ARL4A: variants seen among roughly 807,000 people sequenced by gnomAD.
ARL4A encodes ARF like GTPase 4A, also known as ADP-ribosylation factor-like protein 4A.
A neutral mutation model predicts 13.9 loss-of-function variants in ARL4A; 5 were observed. That is an observed-to-expected ratio of 0.36 (90% CI 0.19 to 0.75). ARL4A has a LOEUF of 0.75. Ranked by LOEUF, ARL4A falls within the 30% of genes least tolerant of loss-of-function variation. The pLI, the probability that ARL4A is intolerant of heterozygous loss-of-function variation, is 0.53. For synonymous variants in ARL4A, 77 were observed against 84.4 expected, an observed-to-expected ratio of 0.91 and a Z score of 0.48; for missense variants, 147 against 225.8, an observed-to-expected ratio of 0.65 and a Z score of 2.24.
chr7:12,688,082 T>G lies in ARL4A; in HGVS notation c.-89-84T>G. Reference sequence around the variant, plus strand: ...GCAGCAAGTTATAGTAAGTTCTTCGTGTTGTTTATTTTAGCAAAGTAGAGC... The same window carrying G: ...GCAGCAAGTTATAGTAAGTTCTTCGGGTTGTTTATTTTAGCAAAGTAGAGC... On this transcript the variant is annotated intron_variant, in intron 1 of 1. Coordinates refer to ENST00000651779, the MANE Select transcript of ARL4A (RefSeq NM_005738.5). The surrounding 1 kb of genome is among the most constrained non-coding windows in gnomAD (Gnocchi z 5.2). 1.1e-6 allele frequency: 1 copy of G among 906,724 alleles called. No homozygotes were observed. The allele number at this position is 906,724 out of a possible 1,614,324, so 56.2% of individuals were successfully genotyped here.
rs1784552890 is a variant in ARL4A, at chr7:12,688,008, A to G, written c.-89-158A>G. 2.6e-5 allele frequency among the ~76,000 whole-genome samples: 4 copies of G among 152,164 alleles called. No individual in the cohort carries two copies. The South Asian group carries it at 8.3e-4, about 32-fold the overall frequency. The stretch of plus-strand genomic sequence containing the variant: ...ACTGTTATTCCATCGTTTGTCTTGG[A>G]CTGTGTGTGTTTTCATGTACGTTTC... On this transcript the variant is annotated intron_variant, in intron 1 of 1. Transcript: ENST00000651779. The surrounding 1 kb of genome is among the most constrained non-coding windows in gnomAD (Gnocchi z 5.2).
chr7:12,688,330 C>T lies in ARL4A; in HGVS notation c.76C>T (p.Leu26=), dbSNP rs1784560020. ...ATTTCAGTCTTTCCACATTGTTATT[C>T]TGGGTTTGGACTGTGCTGGAAAGAC... ...PSFQSFHIVI[L]GLDCAGKTTV... is the part of the protein sequence containing the mutation. Residue 26 remains leucine (L), a synonymous_variant, in exon 2 of 2, where the codon CTG becomes TTG. Transcript: ENST00000651779. The surrounding 1 kb of genome is among the most constrained non-coding windows in gnomAD (Gnocchi z 5.2). 2 of 1,613,612 alleles carry T rather than the reference C, an allele frequency of 1.2e-6. No homozygotes were observed. The highest frequency in any genetic ancestry group is 1.7e-6 in the Non-Finnish European group (2 of 1,179,740).
chr7:12,689,609 C>G lies in ARL4A; in HGVS notation c.*752C>G, dbSNP rs1331559612. The G allele has an allele frequency of 6.0e-6, 1 of 165,976 alleles. No individual in the cohort carries two copies. Among genetic ancestry groups the G allele is most frequent in the African/African-American group, 2.4e-5 (1 of 41,426 alleles). The allele number at this position is 165,976 out of a possible 1,614,324, so 10.3% of individuals were successfully genotyped here. A position where few individuals can be genotyped will look rare whatever the true frequency, so the allele number is the denominator to read the frequency against. ...AAACAACTTTTTTGGGGATTTAGGG[C>G]TATTATAGGAATAGTTTGTTGTCAG... On this transcript the variant is annotated 3_prime_UTR_variant, in exon 2 of 2. Coordinates refer to ENST00000651779, the MANE Select transcript of ARL4A (RefSeq NM_005738.5).
rs73053484 is a variant in ARL4A, at chr7:12,689,237, C to G, written c.*380C>G. 11,984 of 205,272 alleles carry G rather than the reference C, an allele frequency of 0.058. 489 individuals are homozygous for G. Among genetic ancestry groups the G allele is most frequent in the South Asian group, 0.12 (1,131 of 9,052 alleles). The allele number at this position is 205,272 out of a possible 1,614,324, so 12.7% of individuals were successfully genotyped here. A position where few individuals can be genotyped will look rare whatever the true frequency, so the allele number is the denominator to read the frequency against. ...GAAGCCTTTGCAAGAAAATTGCATA[C>G]AAGGCTTTGTAACGATCAAGTGCTA... On this transcript the variant is annotated 3_prime_UTR_variant, in exon 2 of 2. Transcript: ENST00000651779.
Position 12,690,625 on chromosome 7 carries a change from G to GTTTT in ARL4A, c.*1778_*1781dup, listed in dbSNP as rs35820745. On this transcript the variant is annotated 3_prime_UTR_variant, in exon 2 of 2. Transcript: ENST00000651779. ...TTAGATGTGACAGGCATTGAAGGCT[G>GTTTT]TTTTTTTTTTTTTCTCCCTTCACTG... is the stretch of plus-strand genomic sequence containing the variant. 5 of 148,558 alleles carry GTTTT rather than the reference G, an allele frequency of 3.4e-5. No individual in the cohort carries two copies. Among genetic ancestry groups the GTTTT allele is most frequent in the Non-Finnish European group, 3.0e-5 (2 of 66,022 alleles). The allele number at this position is 148,558 out of a possible 1,614,324, so 9.2% of individuals were successfully genotyped here. A position where few individuals can be genotyped will look rare whatever the true frequency, so the allele number is the denominator to read the frequency against.
Position 12,688,927 on chromosome 7 carries a change from C to G in ARL4A, c.*70C>G. On this transcript the variant is annotated 3_prime_UTR_variant, in exon 2 of 2. Coordinates refer to ENST00000651779, the MANE Select transcript of ARL4A (RefSeq NM_005738.5). The surrounding 1 kb of genome is among the most constrained non-coding windows in gnomAD (Gnocchi z 5.2). ...CTGATTTTGACAAATAGAAGAGTGT[C>G]TACAGCGTGGTTTGCCTGTCTGCCC... 7 of 1,461,660 alleles carry G rather than the reference C, an allele frequency of 4.8e-6. No individual in the cohort carries two copies. Among genetic ancestry groups the G allele is most frequent in the South Asian group, 1.4e-5 (1 of 72,524 alleles). 90.5% of individuals were successfully genotyped at this position (1,461,660 alleles called of 1,614,324 possible). A position where few individuals can be genotyped will look rare whatever the true frequency, so the allele number is the denominator to read the frequency against.
At position 12,690,122 on chromosome 7, in the gene ARL4A, G is replaced by A. The variant is rs941289042; in HGVS notation, c.*1265G>A. On this transcript the variant is annotated 3_prime_UTR_variant, in exon 2 of 2. Transcript: ENST00000651779. ...GGTGCTGTTTACATTGGAATAAAAA[G>A]CTCTATAAGGAGGAAAGGCCTTTAT... 2 of 166,928 alleles carry A rather than the reference G, an allele frequency of 1.2e-5. No individual in the cohort carries two copies. Among genetic ancestry groups the A allele is most frequent in the Admixed American group, 1.3e-4 (2 of 15,266 alleles). 10.3% of individuals were successfully genotyped at this position (166,928 alleles called of 1,614,324 possible).
Position 12,690,112 on chromosome 7 carries a change from G to A in ARL4A, c.*1255G>A, listed in dbSNP as rs1037449420. ...AAAATTCACTGGTGCTGTTTACATT[G>A]GAATAAAAAGCTCTATAAGGAGGAA... On this transcript the variant is annotated 3_prime_UTR_variant, in exon 2 of 2. Coordinates refer to ENST00000651779, the MANE Select transcript of ARL4A (RefSeq NM_005738.5). 1.8e-5 allele frequency: 3 copies of A among 166,838 alleles called. No homozygotes were observed. The highest frequency in any genetic ancestry group is 7.2e-5 in the African/African-American group (3 of 41,384). 10.3% of individuals were successfully genotyped at this position (166,838 alleles called of 1,614,324 possible).
At position 12,689,205 on chromosome 7, in the gene ARL4A, T is replaced by C. The variant is rs1784577698; in HGVS notation, c.*348T>C. On this transcript the variant is annotated 3_prime_UTR_variant, in exon 2 of 2. Coordinates refer to ENST00000651779, the MANE Select transcript of ARL4A (RefSeq NM_005738.5). Reference sequence around the variant, plus strand: ...GCCTAGTGTTTTGTGCTTACATCTTTCGGGGGGAAGCCTTTGCAAGAAAAT... The same window carrying C: ...GCCTAGTGTTTTGTGCTTACATCTTCCGGGGGGAAGCCTTTGCAAGAAAAT... 4.6e-6 allele frequency: 1 copy of C among 215,354 alleles called. No individual in the cohort carries two copies. The highest frequency in any genetic ancestry group is 5.3e-5 in the Admixed American group (1 of 18,936). The allele number at this position is 215,354 out of a possible 1,614,324, so 13.3% of individuals were successfully genotyped here.
chr7:12,688,421 C>A lies in ARL4A; in HGVS notation c.167C>A (p.Thr56Asn). ...VNTVPTKGFN[T>N]EKIKVTLGNS... ...ACCGTACCTACCAAAGGATTTAACA[C>A]TGAGAAAATTAAGGTAACCTTGGGA... Residue 56 changes from threonine to asparagine, a missense_variant, in exon 2 of 2, where the codon ACT becomes AAT. Coordinates refer to ENST00000651779, the MANE Select transcript of ARL4A (RefSeq NM_005738.5). The surrounding 1 kb of genome is among the most constrained non-coding windows in gnomAD (Gnocchi z 5.2). 6.2e-7 allele frequency: 1 copy of A among 1,613,774 alleles called. No individual in the cohort carries two copies. The highest frequency in any genetic ancestry group is 1.1e-5 in the South Asian group (1 of 91,044).
Position 12,688,371 on chromosome 7 carries a change from G to A in ARL4A, c.117G>A (p.Arg39=), listed in dbSNP as rs149263257. 6.2e-7 allele frequency: 1 copy of A among 1,613,926 alleles called. No individual in the cohort carries two copies. The highest frequency in any genetic ancestry group is 8.5e-7 in the Non-Finnish European group (1 of 1,179,870). Residue 39 remains arginine, a synonymous_variant, in exon 2 of 2, where the codon AGG becomes AGA. Transcript: ENST00000651779. The surrounding 1 kb of genome is among the most constrained non-coding windows in gnomAD (Gnocchi z 5.2). The part of the protein sequence containing the change: ...DCAGKTTVLY[R]LQFNEFVNTV... Reference sequence around the variant, plus strand: ...CTGGAAAGACAACTGTCTTATACAGGCTGCAGTTCAATGAATTTGTAAATA... The same window carrying A: ...CTGGAAAGACAACTGTCTTATACAGACTGCAGTTCAATGAATTTGTAAATA...
chr7:12,688,370 G>A lies in ARL4A; in HGVS notation c.116G>A (p.Arg39Lys), dbSNP rs1322809190. The A allele has an allele frequency of 6.2e-7, 1 of 1,613,920 alleles. No homozygotes were observed. Among genetic ancestry groups the A allele is most frequent in the East Asian group, 2.2e-5 (1 of 44,876 alleles). Residue 39 changes from arginine (R) to lysine (K), a missense_variant, in exon 2 of 2, where the codon AGG becomes AAG. Physicochemically the swap from Arg to Lys is conservative, Grantham distance 26 (BLOSUM62 2). Coordinates refer to ENST00000651779, the MANE Select transcript of ARL4A (RefSeq NM_005738.5). This position sits in a 1 kb window ranked among gnomAD's most constrained non-coding sequence, Gnocchi z 5.2. ...DCAGKTTVLY[R>K]LQFNEFVNTV... ...GCTGGAAAGACAACTGTCTTATACA[G>A]GCTGCAGTTCAATGAATTTGTAAAT...
At position 12,688,296 on chromosome 7, in the gene ARL4A, C is replaced by G. The variant is rs967813264; in HGVS notation, c.42C>G (p.Asn14Lys). Residue 14 changes from asparagine (N) to lysine (K), a missense_variant, in exon 2 of 2, where the codon AAC (asparagine) becomes AAG (lysine). By Grantham distance (94) the Asn-to-Lys change is moderately conservative. Transcript: ENST00000651779. The surrounding 1 kb of genome is among the most constrained non-coding windows in gnomAD (Gnocchi z 5.2). ...GLSDQTSILS[N>K]LPSFQSFHIV... Reference sequence around the variant, plus strand: ...CAGACCAGACTTCTATCCTGTCCAACCTGCCTTCATTTCAGTCTTTCCACA... The same window carrying G: ...CAGACCAGACTTCTATCCTGTCCAAGCTGCCTTCATTTCAGTCTTTCCACA... 1 of 1,612,118 alleles carries G rather than the reference C, an allele frequency of 6.2e-7. No individual in the cohort carries two copies. The highest frequency in any genetic ancestry group is 1.7e-5 in the Admixed American group (1 of 59,856).
chr7:12,688,153 T>C lies in ARL4A; in HGVS notation c.-89-13T>C. 6.8e-7 allele frequency: 1 copy of C among 1,463,410 alleles called. No individual in the cohort carries two copies. The highest frequency in any genetic ancestry group is 9.2e-7 in the Non-Finnish European group (1 of 1,092,452). 90.7% of individuals were successfully genotyped at this position (1,463,410 alleles called of 1,614,324 possible). A position where few individuals can be genotyped will look rare whatever the true frequency, so the allele number is the denominator to read the frequency against. On this transcript the variant is annotated splice_polypyrimidine_tract_variant and intron_variant, in intron 1 of 1. Transcript: ENST00000651779. The surrounding 1 kb of genome is among the most constrained non-coding windows in gnomAD (Gnocchi z 5.2). The stretch of plus-strand genomic sequence containing the variant: ...TTTCGGGAGAATAACTTATTCCTTC[T>C]TCCGTCTCCCAGCAGTCTTATAGCT...
In ARL4A at chr7:12,688,024, T is replaced by C. The variant is rs192638365; in HGVS notation, c.-89-142T>C. 13 of 497,750 alleles carry C rather than the reference T, an allele frequency of 2.6e-5. No homozygotes were observed. Among genetic ancestry groups the C allele is most frequent in the Admixed American group, 3.8e-5 (1 of 26,634 alleles). 30.8% of individuals were successfully genotyped at this position (497,750 alleles called of 1,614,324 possible). A position where few individuals can be genotyped will look rare whatever the true frequency, so the allele number is the denominator to read the frequency against. On this transcript the variant is annotated intron_variant, in intron 1 of 1. Transcript: ENST00000651779. This position sits in a 1 kb window ranked among gnomAD's most constrained non-coding sequence, Gnocchi z 5.2. Reference sequence around the variant, plus strand: ...TTGTCTTGGACTGTGTGTGTTTTCATGTACGTTTCATATCTCGTCTGGTTT... The same window carrying C: ...TTGTCTTGGACTGTGTGTGTTTTCACGTACGTTTCATATCTCGTCTGGTTT...
In ARL4A at chr7:12,689,077, G is replaced by C. The variant is rs1160456710; in HGVS notation, c.*220G>C. On this transcript the variant is annotated 3_prime_UTR_variant, in exon 2 of 2. Coordinates refer to ENST00000651779, the MANE Select transcript of ARL4A (RefSeq NM_005738.5). Reference sequence around the variant, plus strand: ...CTTCTCCCTACCCCACAAATCTTTTGGTACTACCATTTGGGGAAGCCAAGC... The same window carrying C: ...CTTCTCCCTACCCCACAAATCTTTTCGTACTACCATTTGGGGAAGCCAAGC... 6.4e-6 allele frequency: 3 copies of C among 472,266 alleles called. No homozygotes were observed. Among genetic ancestry groups the C allele is most frequent in the Non-Finnish European group, 7.7e-6 (2 of 258,098 alleles). 29.3% of individuals were successfully genotyped at this position (472,266 alleles called of 1,614,324 possible). A position where few individuals can be genotyped will look rare whatever the true frequency, so the allele number is the denominator to read the frequency against.
At position 12,690,383 on chromosome 7, in the gene ARL4A, G is replaced by C. The variant is rs533189861; in HGVS notation, c.*1526G>C. ...AAAATGAATGAAGTAGCTTGATGTGGAGCCTTCATATGTTAAATATTCCTG... is the reference window on the plus strand; with the variant it reads ...AAAATGAATGAAGTAGCTTGATGTGCAGCCTTCATATGTTAAATATTCCTG... On this transcript the variant is annotated 3_prime_UTR_variant, in exon 2 of 2. Coordinates refer to ENST00000651779, the MANE Select transcript of ARL4A (RefSeq NM_005738.5). 1 of 165,802 alleles carries C rather than the reference G, an allele frequency of 6.0e-6. No individual in the cohort carries two copies. Among genetic ancestry groups the C allele is most frequent in the Non-Finnish European group, 1.5e-5 (1 of 67,966 alleles). The allele number at this position is 165,802 out of a possible 1,614,324, so 10.3% of individuals were successfully genotyped here.
At position 12,688,038 on chromosome 7, in the gene ARL4A, C is replaced by T. The variant is rs1333700911; in HGVS notation, c.-89-128C>T. 4.7e-5 allele frequency: 25 copies of T among 535,882 alleles called. No individual in the cohort carries two copies. The highest frequency in any genetic ancestry group is 7.2e-5 in the Non-Finnish European group (23 of 317,858). 33.2% of individuals were successfully genotyped at this position (535,882 alleles called of 1,614,324 possible). On this transcript the variant is annotated intron_variant, in intron 1 of 1. Coordinates refer to ENST00000651779, the MANE Select transcript of ARL4A (RefSeq NM_005738.5). The surrounding 1 kb of genome is among the most constrained non-coding windows in gnomAD (Gnocchi z 5.2). ...GTGTGTTTTCATGTACGTTTCATATCTCGTCTGGTTTGTTTAGCGCAGCAA... is the reference window on the plus strand; with the variant it reads ...GTGTGTTTTCATGTACGTTTCATATTTCGTCTGGTTTGTTTAGCGCAGCAA...
chr7:12,688,061 CA>C lies in ARL4A; in HGVS notation c.-89-103del. 5.6e-6 allele frequency: 4 copies of C among 712,558 alleles called. No individual in the cohort carries two copies. In the South Asian group the frequency reaches 1.0e-4, roughly 18 times the overall value. The allele number at this position is 712,558 out of a possible 1,614,324, so 44.1% of individuals were successfully genotyped here. On this transcript the variant is annotated intron_variant, in intron 1 of 1. Transcript: ENST00000651779. This position sits in a 1 kb window ranked among gnomAD's most constrained non-coding sequence, Gnocchi z 5.2. ...ATCTCGTCTGGTTTGTTTAGCGCAG[CA>C]AGTTATAGTAAGTTCTTCGTGTTGT...
Sources: allele counts gnomAD v4.1 joint callset (sites outside exome capture counted in the v4.1 genomes callset), GRCh38; gene constraint gnomAD v4.1.1; non-coding constraint Gnocchi (gnomAD v3.1); transcripts MANE v1.5; gene names NCBI Gene and HGNC (gene_info 2026-07-23, HGNC 2026-07-21).